The following RPSA2 variants were observed in gnomAD, a reference collection of about 807,000 sequenced individuals.
RPSA2 encodes the protein small ribosomal subunit protein uS2B.
the RPSA2 span, among the ~76,000 whole-genome samples, chr19:23,842,375 TC>T: frequency 6.6e-6 from 1 of 152,202 alleles, no homozygotes; most frequent in East Asian, 1.9e-4. Flanking sequence ...TCCTCTTTGT[TC>T]AGAATGAAGG....
At chr19:23,824,580 C>CTTTCTT in the RPSA2 span, among the ~76,000 whole-genome samples, 66 of 63,822 alleles carry the variant, frequency 1.0e-3, 15 homozygotes, top group African/African-American at 3.3e-3. Flanking sequence ...TATAGCATTT[C>CTTTCTT]TTTTTTTTTT....
At chr19:23,832,068 T>C in the RPSA2 span, 2 of 463,082 alleles carry the variant, frequency 4.3e-6, no homozygotes, top group African/African-American at 2.0e-5. Context: ...GTGAAGAATG[T>C]GGCAAAGCTT....
the RPSA2 span, among the ~76,000 whole-genome samples, chr19:23,854,275 G>A: frequency 6.6e-6 from 1 of 152,150 alleles, no homozygotes; most frequent in African/African-American, 2.4e-5. Flanking sequence ...GAGGTAAAGG[G>A]CCAGTGACCC....
At chr19:23,759,272 G>A in the RPSA2 span, among the ~76,000 whole-genome samples, 1 of 151,848 alleles carries the variant, frequency 6.6e-6, no homozygotes, top group South Asian at 2.1e-4. Context: ...TCCCTACCCC[G>A]ACAGCCCCCA....
At chr19:23,851,527 G>A in the RPSA2 span, among the ~76,000 whole-genome samples, 1 of 152,204 alleles carries the variant, frequency 6.6e-6, no homozygotes, top group East Asian at 1.9e-4. Context: ...AGCCAATTCA[G>A]AATTATCAAT....
At chr19:23,776,844 G>T in the RPSA2 span, among the ~76,000 whole-genome samples, 1 of 152,194 alleles carries the variant, frequency 6.6e-6, no homozygotes, top group East Asian at 1.9e-4. Flanking sequence ...CTGCCCACAG[G>T]GGGCATTGTA....
At chr19:23,758,766 G>A in the RPSA2 span, 18 of 1,614,104 alleles carry the variant, frequency 1.1e-5, no homozygotes, top group African/African-American at 2.4e-4. Context: ...GTTTCCGGGG[G>A]ACCTGGCGTC....
chr19:23,789,866 T>G, the RPSA2 span, among the ~76,000 whole-genome samples: 4 of 151,618 alleles, frequency 2.6e-5, no homozygotes, highest in Admixed American at 1.3e-4. Flanking sequence ...TTAGTACAGA[T>G]AGGGTTTCAC....
the RPSA2 span, among the ~76,000 whole-genome samples, chr19:23,761,166 C>T: frequency 8.6e-5 from 13 of 151,688 alleles, no homozygotes; most frequent in Admixed American, 2.6e-4. Flanking sequence ...TGGGTCACTG[C>T]AGCCTCAACC....
the RPSA2 span, among the ~76,000 whole-genome samples, chr19:23,772,155 A>C: frequency 3.9e-5 from 6 of 152,180 alleles, no homozygotes; most frequent in Non-Finnish European, 4.4e-5. Flanking sequence ...TCTTGCCTGC[A>C]CCCTGCCCTG....
At chr19:23,822,561 T>C in the RPSA2 span, among the ~76,000 whole-genome samples, 15 of 152,300 alleles carry the variant, frequency 9.8e-5, 1 homozygote, top group African/African-American at 3.1e-4. Flanking sequence ...AAAAGTCTGT[T>C]GCCCCCCTTG....
At chr19:23,848,081 C>T in the RPSA2 span, among the ~76,000 whole-genome samples, 3 of 152,140 alleles carry the variant, frequency 2.0e-5, no homozygotes, top group Non-Finnish European at 4.4e-5. Context: ...GTACAGTTAA[C>T]ACAATTATCA....
At chr19:23,822,306 G>T in the RPSA2 span, among the ~76,000 whole-genome samples, 895 of 152,328 alleles carry the variant, frequency 5.9e-3, no homozygotes, top group Non-Finnish European at 0.011. Flanking sequence ...CTGAGCATAT[G>T]CCTGGACATT....
At chr19:23,821,566 C>T in the RPSA2 span, among the ~76,000 whole-genome samples, 1 of 152,168 alleles carries the variant, frequency 6.6e-6, no homozygotes. Context: ...CCCGGTTGGT[C>T]CTAGTCCTCA....
At chr19:23,834,794 T>C in the RPSA2 span, among the ~76,000 whole-genome samples, 570 of 152,200 alleles carry the variant, frequency 3.7e-3, 4 homozygotes, top group African/African-American at 0.013. Context: ...TAACAATACA[T>C]TATTTGGTAA....
the RPSA2 span, among the ~76,000 whole-genome samples, chr19:23,792,067 TTGTC>T: frequency 6.6e-6 from 1 of 152,210 alleles, no homozygotes; most frequent in Admixed American, 6.5e-5. Flanking sequence ...AATAAAATAA[TTGTC>T]TGAAAGGAAT....
the RPSA2 span, among the ~76,000 whole-genome samples, chr19:23,795,630 T>A: frequency 6.6e-6 from 1 of 152,138 alleles, no homozygotes; most frequent in South Asian, 2.1e-4. Context: ...AGGGATAGCT[T>A]GACTTCCTCT....
the RPSA2 span, among the ~76,000 whole-genome samples, chr19:23,846,843 G>T: frequency 6.6e-6 from 1 of 152,134 alleles, no homozygotes; most frequent in African/African-American, 2.4e-5. Context: ...CCATATTGAG[G>T]TCTGTTTTGC....
At chr19:23,810,761 C>T in the RPSA2 span, among the ~76,000 whole-genome samples, 4 of 152,132 alleles carry the variant, frequency 2.6e-5, no homozygotes, top group African/African-American at 9.7e-5. Flanking sequence ...TCCTCTAGGC[C>T]TCTGGAAGAG....
Sources: gnomAD v4.1 joint callset for allele counts (sites outside exome capture counted in the v4.1 genomes callset) on GRCh38, gnomAD v4.1.1 for gene constraint, MANE v1.5 for transcripts, NCBI Gene and HGNC (gene_info 2026-07-23, HGNC 2026-07-21) for gene names.